NME7: variants seen among roughly 807,000 people sequenced by gnomAD.
NME7 encodes nucleoside diphosphate kinase 7.
NME7 carries 41 observed loss-of-function variants against 49.1 expected under a neutral mutation model. That is an observed-to-expected ratio of 0.83 (90% CI 0.65 to 1.08). NME7 has a LOEUF of 1.08. NME7 is among the 50% of genes least tolerant of loss of function. The probability of loss-of-function intolerance (pLI) is 0.00; values close to 1 mark genes in which losing one functional copy is unlikely to be tolerated. For synonymous variants in NME7, 139 were observed against 150.6 expected (o/e 0.92, Z 0.56); for missense variants, 423 against 463.4 (o/e 0.91, Z 0.80).
At chr1:169,267,740 C>T (rs1649361273) in intron 7 of NME7, among the ~76,000 whole-genome samples, 1 of 133,376 alleles carries the variant, frequency 7.5e-6, no homozygotes, top group Admixed American at 7.4e-5. Context: ...AAACTGGACC[C>T]CTTCCTTACA....
chr1:169,173,541 T>A (rs1248308471), intron 10 of NME7, among the ~76,000 whole-genome samples: 1 of 152,188 alleles, frequency 6.6e-6, no homozygotes, highest in Non-Finnish European at 1.5e-5. Context: ...GCTTTCATGT[T>A]AGATCCTCTT....
chr1:169,328,366 T>C (rs1191464436), intron 1 of NME7, among the ~76,000 whole-genome samples: 1 of 152,212 alleles, frequency 6.6e-6, no homozygotes, highest in Non-Finnish European at 1.5e-5. Flanking sequence ...AGGATTTCTG[T>C]TGCCTATGTC....
chr1:169,324,537 A>G (rs751876253), intron 1 of NME7, 37 bp from the exon 2 acceptor site: 1 of 1,269,706 alleles, frequency 7.9e-7, no homozygotes, highest in Non-Finnish European at 1.1e-6. Flanking sequence ...ACACTAACAT[A>G]TAAAGAACAA....
At chr1:169,342,526 ATAC>A in intron 1 of NME7, among the ~76,000 whole-genome samples, 1 of 58,014 alleles carries the variant, frequency 1.7e-5, no homozygotes, top group Non-Finnish European at 4.9e-5. Context: ...TAGTATATAT[ATAC>A]AAGTACATAT....
chr1:169,356,201 C>G (rs1448484191), intron 1 of NME7, among the ~76,000 whole-genome samples: 1 of 152,124 alleles, frequency 6.6e-6, no homozygotes, highest in African/African-American at 2.4e-5. Context: ...ATACCTACTT[C>G]CAAGGACACT....
intron 10 of NME7, among the ~76,000 whole-genome samples, chr1:169,199,396 T>G (rs1257732381): frequency 6.6e-6 from 1 of 150,934 alleles, no homozygotes; most frequent in Non-Finnish European, 1.5e-5. Context: ...GCAAAGCTAC[T>G]GAGTGGTGGA....
At chr1:169,253,651 C>G (rs894779307) in intron 7 of NME7, among the ~76,000 whole-genome samples, 4 of 152,086 alleles carry the variant, frequency 2.6e-5, no homozygotes, top group Admixed American at 1.3e-4. Context: ...AGTTTTCAAA[C>G]GGAATGCTTC....
intron 11 of NME7, among the ~76,000 whole-genome samples, chr1:169,149,574 T>C (rs948401396): frequency 6.6e-6 from 1 of 152,168 alleles, no homozygotes; most frequent in African/African-American, 2.4e-5. Context: ...GTTGAATTTA[T>C]AAATTATGCA....
Position 169,287,551 on chromosome 1 carries a change from T to C in NME7, c.649-143A>G, listed in dbSNP as rs61808915. On this transcript the variant is annotated intron_variant, in intron 6 of 11. Transcript: ENST00000367811. ...TTGTTTCAGATTTTCTAAAAATGAGTTTTACAAAGACACACTGATTAAATT... is the reference window on the plus strand; with the variant it reads ...TTGTTTCAGATTTTCTAAAAATGAGCTTTACAAAGACACACTGATTAAATT... 59,742 of 604,742 alleles carry C rather than the reference T, an allele frequency of 0.099. 3,226 individuals carry two copies. The highest frequency in any genetic ancestry group is 0.14 in the Admixed American group (4,035 of 29,102). 37.5% of individuals were successfully genotyped at this position (604,742 alleles called of 1,614,324 possible). A position where few individuals can be genotyped will look rare whatever the true frequency, so the allele number is the denominator to read the frequency against.
chr1:169,156,833 T>C (rs1372961546), intron 11 of NME7, among the ~76,000 whole-genome samples: 1 of 152,208 alleles, frequency 6.6e-6, no homozygotes, highest in East Asian at 1.9e-4. Context: ...CCAATGCTGA[T>C]GAAATACTAA....
chr1:169,287,253 C>G, intron 7 of NME7, 50 bp downstream of exon 7: 2 of 1,326,378 alleles, frequency 1.5e-6, no homozygotes, highest in Non-Finnish European at 2.1e-6. Flanking sequence ...AGAAAATAAA[C>G]ATTGCTCTCC....
intron 10 of NME7, among the ~76,000 whole-genome samples, chr1:169,179,069 C>G (rs577931316): frequency 6.6e-6 from 1 of 152,262 alleles, no homozygotes; most frequent in South Asian, 2.1e-4. Flanking sequence ...AATCTGCCCA[C>G]CTCGGCCTCC....
chr1:169,324,426 A>C lies in NME7; in HGVS notation c.78T>G (p.Leu26=). ...CAGATCCATCCCCTGGGTAAAATAAAAGCTCATAACGTCGAAGAAGTGAAG... is the reference window on the plus strand; with the variant it reads ...CAGATCCATCCCCTGGGTAAAATAACAGCTCATAACGTCGAAGAAGTGAAG... The part of the protein sequence containing the change: ...PNASLLRRYE[L]LFYPGDGSVE... Residue 26 remains leucine (L), a synonymous_variant, in exon 2 of 12, where the codon CTT becomes CTG. Coordinates refer to ENST00000367811, the MANE Select transcript of NME7 (RefSeq NM_013330.5). 6.2e-7 allele frequency: 1 copy of C among 1,613,432 alleles called. No homozygotes were observed. Among genetic ancestry groups the C allele is most frequent in the Non-Finnish European group, 8.5e-7 (1 of 1,179,454 alleles).
intron 4 of NME7, among the ~76,000 whole-genome samples, chr1:169,308,109 A>C (rs1332465114): frequency 6.6e-6 from 1 of 152,158 alleles, no homozygotes; most frequent in African/African-American, 2.4e-5. Context: ...TAGCACAGTT[A>C]CAAGCAATCT....
intron 7 of NME7, chr1:169,285,893 A>C (rs1650259175): frequency 6.6e-6 from 1 of 152,186 alleles, no homozygotes; most frequent in Non-Finnish European, 1.5e-5. Flanking sequence ...CCTTCCAACA[A>C]GTAATTCTAT....
At position 169,169,293 on chromosome 1, in the gene NME7, C is replaced by T. The variant is rs181187908; in HGVS notation, c.1098+154G>A. The T allele has an allele frequency of 3.7e-4, 220 of 596,884 alleles. 1 individual carries two copies. In the African/African-American group the frequency reaches 3.7e-3, roughly 10 times the overall value. The allele number at this position is 596,884 out of a possible 1,614,324, so 37.0% of individuals were successfully genotyped here. A position where few individuals can be genotyped will look rare whatever the true frequency, so the allele number is the denominator to read the frequency against. ...ATGGGTGCAACAAACCACCAGGGCA[C>T]GTGTATACCTATGTAACAAAACTGC... On this transcript the variant is annotated intron_variant, in intron 11 of 11. Transcript: ENST00000367811.
At chr1:169,213,709 A>C (rs1042319789) in intron 10 of NME7, among the ~76,000 whole-genome samples, 4 of 152,150 alleles carry the variant, frequency 2.6e-5, no homozygotes, top group African/African-American at 9.7e-5. Context: ...TGATTGTCCA[A>C]AGAGATTTGG....
chr1:169,342,849 GTA>G (rs1219665267), intron 1 of NME7, among the ~76,000 whole-genome samples: 580 of 53,446 alleles, frequency 0.011, 90 homozygotes, highest in African/African-American at 0.036. Context: ...TATATATATA[GTA>G]TATATATATA....
intron 3 of NME7, among the ~76,000 whole-genome samples, chr1:169,320,496 C>A (rs1269487584): frequency 6.6e-6 from 1 of 152,160 alleles, no homozygotes; most frequent in Non-Finnish European, 1.5e-5. Context: ...AAATTTTTCT[C>A]AACACTATAC....
Sources: allele counts gnomAD v4.1 joint callset (sites outside exome capture counted in the v4.1 genomes callset), GRCh38; gene constraint gnomAD v4.1.1; transcripts MANE v1.5; gene names NCBI Gene and HGNC (gene_info 2026-07-23, HGNC 2026-07-21).